Variants in C12orf42 observed in about 807,000 individuals in gnomAD.
The protein encoded by C12orf42 is uncharacterized protein C12orf42.
In C12orf42, 25 loss-of-function variants were observed where a neutral mutation model predicts 21.6. The observed-to-expected ratio is 1.16, with a 90% CI of 0.84 to 1.62. The LOEUF (loss-of-function observed/expected upper bound fraction) is 1.62, where lower values mean the gene tolerates loss of function less well. Among genes scored for constraint, C12orf42 ranks in the 40% most tolerant of loss-of-function variants. The probability of loss-of-function intolerance (pLI) is 0.00; values close to 1 mark genes in which losing one functional copy is unlikely to be tolerated. For missense variants in C12orf42, 483 were observed against 459.3 expected, an observed-to-expected ratio of 1.05 and a Z score of -0.47; for synonymous variants, 174 against 175.0, an observed-to-expected ratio of 0.99 and a Z score of 0.05.
downstream of C12orf42, among the ~76,000 whole-genome samples, chr12:103,266,014 C>T (rs908354437): frequency 1.3e-5 from 2 of 152,060 alleles, no homozygotes; most frequent in Admixed American, 1.3e-4. Flanking sequence ...GACACCCTTG[C>T]AAGGAGAGAA....
At chr12:103,505,275 C>G in the C12orf42 span, 1 of 249,660 alleles carries the variant, frequency 4.0e-6, no homozygotes, top group African/African-American at 2.3e-5. Context: ...GAGCAGACTC[C>G]CCTCACATCA....
chr12:103,148,020 C>T, the C12orf42 span, among the ~76,000 whole-genome samples: 6 of 152,094 alleles, frequency 3.9e-5, no homozygotes, highest in South Asian at 2.1e-4. Flanking sequence ...CAGAAGAGAA[C>T]CATTGAATTT....
At chr12:103,370,094 T>C (rs1369508912) in intron 3 of C12orf42, among the ~76,000 whole-genome samples, 1 of 151,966 alleles carries the variant, frequency 6.6e-6, no homozygotes, top group Non-Finnish European at 1.5e-5. Context: ...CTTTTCAAAA[T>C]AAGACATACA....
chr12:103,148,666 G>T, the C12orf42 span, among the ~76,000 whole-genome samples: 1 of 152,036 alleles, frequency 6.6e-6, no homozygotes, highest in South Asian at 2.1e-4. Flanking sequence ...TAAATAAATT[G>T]GCATTAGTTT....
chr12:103,114,565 A>G, the C12orf42 span, among the ~76,000 whole-genome samples: 512 of 152,230 alleles, frequency 3.4e-3, 5 homozygotes, highest in African/African-American at 0.012. Flanking sequence ...TGCAGACCTA[A>G]ACTCTTTCAC....
the C12orf42 span, among the ~76,000 whole-genome samples, chr12:103,078,536 G>A: frequency 6.6e-6 from 1 of 152,158 alleles, no homozygotes; most frequent in South Asian, 2.1e-4. Context: ...GTTCTCCTTG[G>A]ATTCTGATTT....
chr12:103,320,019 G>T (rs2039931134), intron 4 of C12orf42, among the ~76,000 whole-genome samples: 1 of 152,162 alleles, frequency 6.6e-6, no homozygotes, highest in Non-Finnish European at 1.5e-5. Context: ...TTGTGCAAAG[G>T]TCACCGGTAT....
chr12:103,334,267 C>T (rs1176557770), intron 4 of C12orf42, among the ~76,000 whole-genome samples: 3 of 152,264 alleles, frequency 2.0e-5, no homozygotes, highest in African/African-American at 4.8e-5. Context: ...TAAACCAGCT[C>T]TTATCTTAAC....
At chr12:103,145,090 A>C in the C12orf42 span, among the ~76,000 whole-genome samples, 1 of 152,308 alleles carries the variant, frequency 6.6e-6, no homozygotes, top group African/African-American at 2.4e-5. Context: ...TAGAAAAGCA[A>C]TCAGGATGCT....
the C12orf42 span, among the ~76,000 whole-genome samples, chr12:103,205,998 G>C: frequency 8.5e-5 from 13 of 152,190 alleles, no homozygotes; most frequent in Non-Finnish European, 1.5e-4. Flanking sequence ...CTCAGCCGCT[G>C]AGAATATTCT....
downstream of C12orf42, among the ~76,000 whole-genome samples, chr12:103,299,196 T>G (rs1446615964): frequency 6.6e-6 from 1 of 152,092 alleles, no homozygotes; most frequent in African/African-American, 2.4e-5. Flanking sequence ...AATATTTGTA[T>G]GTGTATCATT....
chr12:103,357,793 T>C (rs2043723285), intron 4 of C12orf42, among the ~76,000 whole-genome samples: 1 of 152,134 alleles, frequency 6.6e-6, no homozygotes, highest in South Asian at 2.1e-4. Context: ...ACGTTATTCA[T>C]AGAATAAATT....
intron 4 of C12orf42, among the ~76,000 whole-genome samples, chr12:103,314,733 C>T (rs961132191): frequency 2.0e-5 from 3 of 152,106 alleles, no homozygotes; most frequent in African/African-American, 4.8e-5. Context: ...TTGTTCTAGC[C>T]GAGGGAAGGG....
chr12:103,192,809 A>G, the C12orf42 span, among the ~76,000 whole-genome samples: 1 of 152,234 alleles, frequency 6.6e-6, no homozygotes, highest in African/African-American at 2.4e-5. Context: ...AGACTTCAAT[A>G]TCCCCCTTGA....
chr12:103,205,305 G>C, the C12orf42 span, among the ~76,000 whole-genome samples: 2 of 145,072 alleles, frequency 1.4e-5, no homozygotes, highest in Non-Finnish European at 3.1e-5. Context: ...AAGAGTTTTA[G>C]TGGACTCACA....
At chr12:103,100,253 A>T in the C12orf42 span, among the ~76,000 whole-genome samples, 1 of 152,224 alleles carries the variant, frequency 6.6e-6, no homozygotes, top group Non-Finnish European at 1.5e-5. Flanking sequence ...CGGTGAGCTG[A>T]TGATGAATGG....
intron 4 of C12orf42, among the ~76,000 whole-genome samples, chr12:103,353,179 A>G (rs1200363409): frequency 2.0e-5 from 3 of 152,100 alleles, no homozygotes. Context: ...ACTTTTGCAC[A>G]CTGAGAAATG....
At chr12:103,213,724 G>A in the C12orf42 span, among the ~76,000 whole-genome samples, 3 of 152,164 alleles carry the variant, frequency 2.0e-5, no homozygotes, top group Non-Finnish European at 2.9e-5. Flanking sequence ...GAGGAATCTA[G>A]GGATCTGAGA....
the C12orf42 span, among the ~76,000 whole-genome samples, chr12:103,501,531 G>A: frequency 6.6e-6 from 1 of 152,236 alleles, no homozygotes; most frequent in African/African-American, 2.4e-5. Flanking sequence ...TCCAGTGCCA[G>A]TTAGCGCCAG....
Sources: gnomAD v4.1 joint callset for allele counts (sites outside exome capture counted in the v4.1 genomes callset) on GRCh38, gnomAD v4.1.1 for gene constraint, MANE v1.5 for transcripts, NCBI Gene and HGNC (gene_info 2026-07-23, HGNC 2026-07-21) for gene names.